LYST: variants seen among roughly 807,000 people sequenced by gnomAD.
The protein encoded by LYST is lysosomal-trafficking regulator.
Under a neutral mutation model 413.6 loss-of-function variants are expected in LYST, and 192 were observed. That is an observed-to-expected ratio of 0.46 (90% CI 0.41 to 0.52). The LOEUF is 0.52. Ranked by LOEUF, LYST falls within the 20% of genes least tolerant of loss-of-function variation. LYST has a pLI of 0.00. For synonymous variants in LYST, 1,525 were observed against 1,567.3 expected, an observed-to-expected ratio of 0.97 and a Z score of 0.64; for missense variants, 3,815 against 4,499.9, an observed-to-expected ratio of 0.85 and a Z score of 4.35.
intron 28 of LYST, among the ~76,000 whole-genome samples, chr1:235,748,921 T>A (rs1027685687): frequency 7.2e-5 from 11 of 152,174 alleles, no homozygotes; most frequent in Admixed American, 5.2e-4. Context: ...CAACTCCTGC[T>A]GAAGGTGAAG....
chr1:235,812,686 A>C (rs1180040752), intron 4 of LYST, among the ~76,000 whole-genome samples: 1 of 152,046 alleles, frequency 6.6e-6, no homozygotes. Context: ...CATTTTTCTG[A>C]TGTTATGCTG....
chr1:235,793,706 CT>C, intron 10 of LYST, 94 bp from the exon 11 acceptor site: 1 of 671,264 alleles, frequency 1.5e-6, no homozygotes, highest in Non-Finnish European at 2.7e-6. Context: ...ACTATTGTCA[CT>C]TTTTGAATGG....
intron 31 of LYST, chr1:235,737,400 T>C (rs952102731): frequency 6.7e-6 from 1 of 148,718 alleles, no homozygotes; most frequent in African/African-American, 2.6e-5. Context: ...ACTTATTTCC[T>C]AGCTTTGTCC....
chr1:235,746,887 A>T (rs1665973586), intron 28 of LYST, among the ~76,000 whole-genome samples: 2 of 152,198 alleles, frequency 1.3e-5, no homozygotes, highest in South Asian at 4.1e-4. Flanking sequence ...TTCCAAAATC[A>T]AGTTTTAATG....
chr1:235,717,638 G>C (rs559030762), intron 40 of LYST, among the ~76,000 whole-genome samples: 12 of 152,184 alleles, frequency 7.9e-5, no homozygotes, highest in Non-Finnish European at 1.5e-4. Context: ...ACCATAACTA[G>C]ACCAACAGCA....
intron 47 of LYST, among the ~76,000 whole-genome samples, chr1:235,689,384 T>C (rs1456571415): frequency 1.3e-5 from 2 of 152,158 alleles, no homozygotes; most frequent in Non-Finnish European, 2.9e-5. Flanking sequence ...TTAAGTAAAA[T>C]CTGCCAGGCA....
intron 14 of LYST, among the ~76,000 whole-genome samples, chr1:235,782,809 C>T (rs533378217): frequency 3.9e-5 from 6 of 152,268 alleles, no homozygotes; most frequent in Admixed American, 2.6e-4. Flanking sequence ...ATCTATGAGG[C>T]CTTTGAAAAC....
intron 45 of LYST, among the ~76,000 whole-genome samples, chr1:235,702,354 T>C (rs370898869): frequency 1.8e-4 from 27 of 152,344 alleles, no homozygotes; most frequent in African/African-American, 6.5e-4. Flanking sequence ...CTTTTGATTG[T>C]AGATGATAAC....
intron 3 of LYST, among the ~76,000 whole-genome samples, chr1:235,825,177 C>T (rs1203363305): frequency 6.6e-6 from 1 of 152,130 alleles, no homozygotes; most frequent in Non-Finnish European, 1.5e-5. Flanking sequence ...AAAAACTCAA[C>T]AAATTGGGAA....
chr1:235,806,880 C>A, intron 5 of LYST, 108 bp from the exon 6 acceptor site: 1 of 740,496 alleles, frequency 1.4e-6, no homozygotes. Flanking sequence ...ATATACTAAC[C>A]ACTACCTAAT....
intron 48 of LYST, among the ~76,000 whole-genome samples, chr1:235,680,056 T>C (rs1486854228): frequency 2.0e-5 from 3 of 151,888 alleles, no homozygotes; most frequent in Admixed American, 2.0e-4. Flanking sequence ...AATAAAAATA[T>C]ATTTTATCAT....
intron 38 of LYST, 131 bp downstream of exon 38, chr1:235,727,945 C>T: frequency 1.4e-6 from 1 of 705,606 alleles, no homozygotes; most frequent in Non-Finnish European, 2.5e-6. Flanking sequence ...GTTTGGAACT[C>T]AGACCAATCT....
chr1:235,698,682 T>C (rs1237153910), intron 45 of LYST, among the ~76,000 whole-genome samples: 5 of 152,008 alleles, frequency 3.3e-5, no homozygotes, highest in Admixed American at 2.6e-4. Flanking sequence ...CCATCCTGGT[T>C]AACATGGTGA....
At chr1:235,719,254 G>A (rs1663122999) in intron 40 of LYST, among the ~76,000 whole-genome samples, 1 of 152,140 alleles carries the variant, frequency 6.6e-6, no homozygotes, top group Non-Finnish European at 1.5e-5. Context: ...CAGGCCTCAA[G>A]CCATCAGCCC....
intron 43 of LYST, among the ~76,000 whole-genome samples, chr1:235,711,581 T>G (rs887657710): frequency 6.6e-6 from 1 of 152,210 alleles, no homozygotes. Context: ...GACTGTTAGT[T>G]GGCATCACAG....
intron 18 of LYST, 55 bp downstream of exon 18, chr1:235,774,858 C>T (rs537868578): frequency 2.6e-5 from 30 of 1,148,264 alleles, no homozygotes; most frequent in Middle Eastern, 2.9e-4. Context: ...ACTTTGATGA[C>T]GAGATGAGTA....
chr1:235,806,184 A>G lies in LYST; in HGVS notation c.2952T>C (p.Leu984=), dbSNP rs1672814130. ...SSVFQKQFYR[L]GGFRVCHKLI... is the part of the protein sequence containing the mutation. ...ACTTATGGCATACTCGGAAACCACC[A>G]AGCCTATAAAACTGTTTCTGGAACA... is the stretch of plus-strand genomic sequence containing the variant. Residue 984 remains leucine (L), a synonymous_variant, in exon 6 of 53, where the codon CTT becomes CTC. Coordinates refer to ENST00000389793, the MANE Select transcript of LYST (RefSeq NM_000081.4). 6.2e-7 allele frequency: 1 copy of G among 1,613,870 alleles called. No individual in the cohort carries two copies. The highest frequency in any genetic ancestry group is 1.7e-5 in the Admixed American group (1 of 59,974).
In LYST at chr1:235,759,399, T is replaced by G. The variant is rs201317160; in HGVS notation, c.6454A>C (p.Ser2152Arg). The change falls in exon 23 of 53, where the codon AGT becomes CGT. Residue 2152 changes from serine to arginine, a missense_variant. By Grantham distance (110) the Ser-to-Arg change is moderately radical. Transcript: ENST00000389793. ...TQSKKQNSLGSSDTLKKGKED... is the reference protein window; with the variant it reads ...TQSKKQNSLGRSDTLKKGKED... ...TTGCCTTTTTTCAGTGTGTCGGAAC[T>G]CCCCAAAGAATTTTGTTTCTTTGAT... 53 of 1,614,136 alleles carry G rather than the reference T, an allele frequency of 3.3e-5. No homozygotes were observed. The Middle Eastern group carries it at 1.5e-3, about 45-fold the overall frequency.
chr1:235,855,033 C>A (rs1678998364), intron 1 of LYST, among the ~76,000 whole-genome samples: 1 of 152,202 alleles, frequency 6.6e-6, no homozygotes, highest in Non-Finnish European at 1.5e-5. Flanking sequence ...TACCACCCTG[C>A]AATTCCTTCA....
Sources: allele counts gnomAD v4.1 joint callset (sites outside exome capture counted in the v4.1 genomes callset), GRCh38; gene constraint gnomAD v4.1.1; transcripts MANE v1.5; gene names NCBI Gene and HGNC (gene_info 2026-07-23, HGNC 2026-07-21).